Variants in ESR1 observed in about 807,000 individuals in gnomAD.
The protein encoded by ESR1 is estrogen receptor.
Under a neutral mutation model 52.7 loss-of-function variants are expected in ESR1, and 12 were observed. The observed-to-expected ratio is 0.23, with a 90% CI of 0.15 to 0.37. The LOEUF (loss-of-function observed/expected upper bound fraction) is 0.37, where lower values mean the gene tolerates loss of function less well. Ranked by LOEUF, ESR1 falls within the 10% of genes least tolerant of loss-of-function variation. ESR1 has a pLI of 1.00. For missense variants in ESR1, 584 were observed against 779.7 expected (o/e 0.75, Z 2.99); for synonymous variants, 305 against 316.8 (o/e 0.96, Z 0.39).
rs747488512 is a variant in ESR1 at position 152,097,401 on chromosome 6, GA to G, written c.1554-1318del. On this transcript the variant is annotated intron_variant, in intron 7 of 7. Coordinates refer to ENST00000206249, the MANE Select transcript of ESR1 (RefSeq NM_000125.4). ...ATTTAACTTTTATAGCATTTTAAAT[GA>G]AAAAAAAAAAAAGTAACACTTAAAC... Among the ~76,000 whole-genome samples the G allele has an allele frequency of 2.3e-3, 323 of 138,976 alleles. 1 individual carries two copies. Among genetic ancestry groups the G allele is most frequent in the Middle Eastern group, 3.8e-3 (1 of 266 alleles). The allele number at this position is 138,976 out of a possible 152,430, so 91.2% of individuals were successfully genotyped here. A position where few individuals can be genotyped will look rare whatever the true frequency, so the allele number is the denominator to read the frequency against.
intron 4 of ESR1, among the ~76,000 whole-genome samples, chr6:152,000,133 T>C (rs1268346152): frequency 6.6e-6 from 1 of 152,096 alleles, no homozygotes; most frequent in African/African-American, 2.4e-5. Flanking sequence ...TTTTATATAT[T>C]CTTTCTAGTT....
intron 1 of ESR1, among the ~76,000 whole-genome samples, chr6:151,675,545 G>GA (rs897751520): frequency 1.3e-4 from 20 of 150,200 alleles, no homozygotes; most frequent in South Asian, 2.1e-4. Flanking sequence ...GAACTGGAAT[G>GA]AAAAAAAAAT....
rs2128932153 is a variant in ESR1, at chr6:152,053,214, C to T, written c.1236-7777C>T. Among the ~76,000 whole-genome samples the T allele has an allele frequency of 6.6e-6, 1 of 151,668 alleles. No homozygotes were observed. Among genetic ancestry groups the T allele is most frequent in the East Asian group, 1.9e-4 (1 of 5,142 alleles). On this transcript the variant is annotated intron_variant, in intron 5 of 7. Coordinates refer to ENST00000206249, the MANE Select transcript of ESR1 (RefSeq NM_000125.4). The surrounding 1 kb of genome is among the most constrained non-coding windows in gnomAD (Gnocchi z 4.1). Reference sequence around the variant, plus strand: ...GTCTCCTTCCCTCCCTCCCTCAGTCCCTCCCTTAGTCTATCTCACTCTACC... The same window carrying T: ...GTCTCCTTCCCTCCCTCCCTCAGTCTCTCCCTTAGTCTATCTCACTCTACC...
intron 3 of ESR1, among the ~76,000 whole-genome samples, chr6:151,888,173 T>C (rs1331283914): frequency 6.7e-6 from 1 of 149,776 alleles, no homozygotes; most frequent in Non-Finnish European, 1.5e-5. Context: ...TCCATACAAA[T>C]TTTTGGATTG....
chr6:151,731,355 C>T (rs1159720878), intron 2 of ESR1, among the ~76,000 whole-genome samples: 1 of 149,348 alleles, frequency 6.7e-6, no homozygotes, highest in Non-Finnish European at 1.5e-5. Context: ...GACTCCATCT[C>T]TCAAGAAAAA....
At chr6:151,899,374 A>C (rs1796203980) in intron 3 of ESR1, among the ~76,000 whole-genome samples, 1 of 115,536 alleles carries the variant, frequency 8.7e-6, no homozygotes, top group African/African-American at 3.8e-5. Flanking sequence ...TCCTTCCCGG[A>C]CGGGGCGGCT....
chr6:151,670,595 T>A (rs1042112323), intron 1 of ESR1, among the ~76,000 whole-genome samples: 3 of 151,076 alleles, frequency 2.0e-5, no homozygotes, highest in Non-Finnish European at 2.9e-5. Context: ...TAAAAAAAAA[T>A]TTTTTTTTGA....
intron 2 of ESR1, among the ~76,000 whole-genome samples, chr6:151,845,485 C>T (rs1284083650): frequency 6.6e-6 from 1 of 152,196 alleles, no homozygotes; most frequent in Non-Finnish European, 1.5e-5. Flanking sequence ...AGGATAATTG[C>T]TTGAACCTGG....
At position 151,753,470 on chromosome 6, in the gene ESR1, A is replaced by G. The variant is rs183013087; in HGVS notation, c.-71+51465A>G. ...GTAGCTGGGAATACAGGTGCATGCC[A>G]CCACTCCTGGCTAATTTTTGTATTT... On this transcript the variant is annotated intron_variant, in intron 2 of 2. Coordinates refer to the ESR1 transcript ENST00000404742. 2.8e-3 allele frequency among the ~76,000 whole-genome samples: 424 copies of G among 152,128 alleles called. 4 individuals carry two copies. Among genetic ancestry groups the G allele is most frequent in the East Asian group, 0.017 (90 of 5,172 alleles).
At chr6:151,816,805 G>T (rs6930222) in intron 1 of ESR1, among the ~76,000 whole-genome samples, 8,178 of 152,208 alleles carry the variant, frequency 0.054, 424 homozygotes, top group South Asian at 0.15. Flanking sequence ...GCACTTTGAG[G>T]AACTGAAGGG....
At chr6:151,690,407 C>G (rs1052421389), upstream of ESR1, 15 of 152,122 alleles carry the variant, frequency 9.9e-5, no homozygotes, top group African/African-American at 3.6e-4. Flanking sequence ...AAGGCCACCC[C>G]CTCCTCTATT....
rs558521800 is a variant in ESR1, at chr6:151,698,823, G to A, written c.-201-3052G>A. On this transcript the variant is annotated intron_variant, in intron 1 of 2. Transcript: ENST00000404742. Reference sequence around the variant, plus strand: ...GCCTGGGCTTTGAATTTTGAGCAGCGAAGTACCAGGAGAGGGTGACATGAT... The same window carrying A: ...GCCTGGGCTTTGAATTTTGAGCAGCAAAGTACCAGGAGAGGGTGACATGAT... Among the ~76,000 whole-genome samples, 70 of 152,250 alleles carry A rather than the reference G, an allele frequency of 4.6e-4. 1 individual carries two copies. The highest frequency in any genetic ancestry group is 1.2e-4 in the Non-Finnish European group (8 of 68,024).
chr6:151,843,876 A>C (rs577838088), intron 2 of ESR1, among the ~76,000 whole-genome samples: 2 of 150,470 alleles, frequency 1.3e-5, no homozygotes. Context: ...GGGATGGTAT[A>C]TAGTATTTAT....
chr6:151,771,617 A>G (rs1238027845), intron 2 of ESR1, among the ~76,000 whole-genome samples: 1 of 152,264 alleles, frequency 6.6e-6, no homozygotes, highest in East Asian at 1.9e-4. Flanking sequence ...GCAAGTTGCC[A>G]TGCAAATGTC....
intron 6 of ESR1, among the ~76,000 whole-genome samples, chr6:152,086,028 G>A (rs936293180): frequency 2.5e-4 from 38 of 152,312 alleles, no homozygotes; most frequent in African/African-American, 8.9e-4. Flanking sequence ...TATCCAGGAT[G>A]TTTTGGTCTG....
At chr6:151,893,597 C>T (rs544466042) in intron 3 of ESR1, among the ~76,000 whole-genome samples, 85 of 150,988 alleles carry the variant, frequency 5.6e-4, no homozygotes. Flanking sequence ...ACTAATATAC[C>T]CCAAATAGTA....
intron 2 of ESR1, among the ~76,000 whole-genome samples, chr6:151,878,911 A>G (rs192827290): frequency 2.0e-5 from 3 of 152,190 alleles, no homozygotes; most frequent in African/African-American, 7.2e-5. Context: ...TCTAAATCTT[A>G]GAGCAGAAAC....
chr6:151,664,751 A>G (rs1002046228), intron 1 of ESR1, among the ~76,000 whole-genome samples: 13 of 152,220 alleles, frequency 8.5e-5, no homozygotes, highest in African/African-American at 2.9e-4. Context: ...TTTTCACACT[A>G]AACAGCATTC....
intron 2 of ESR1, among the ~76,000 whole-genome samples, chr6:151,784,102 T>C (rs1265947601): frequency 9.9e-5 from 15 of 152,194 alleles, no homozygotes; most frequent in Admixed American, 9.8e-4. Context: ...GTCTAGTTTC[T>C]CCTCTGTAAA....
Sources: gnomAD v4.1 joint callset for allele counts (sites outside exome capture counted in the v4.1 genomes callset) on GRCh38, gnomAD v4.1.1 for gene constraint, Gnocchi (gnomAD v3.1) non-coding constraint, MANE v1.5 for transcripts, NCBI Gene and HGNC (gene_info 2026-07-23, HGNC 2026-07-21) for gene names.